FSTL4: variants seen among roughly 807,000 people sequenced by gnomAD.
The protein encoded by FSTL4 is follistatin like 4, also known as follistatin-related protein 4.
Under a neutral mutation model 78.2 loss-of-function variants are expected in FSTL4, and 28 were observed. That is an observed-to-expected ratio of 0.36 (90% CI 0.27 to 0.49). FSTL4 has a LOEUF of 0.49. Among genes scored for constraint, FSTL4 ranks in the 20% least tolerant of loss-of-function variants. The probability of loss-of-function intolerance (pLI) is 0.98; values close to 1 mark genes in which losing one functional copy is unlikely to be tolerated. For synonymous variants in FSTL4, 422 were observed against 440.5 expected, an observed-to-expected ratio of 0.96 and a Z score of 0.53; for missense variants, 922 against 1,084.9, an observed-to-expected ratio of 0.85 and a Z score of 2.11.
chr5:133,591,192 G>T (rs1159942581), intron 2 of FSTL4, among the ~76,000 whole-genome samples: 1 of 152,162 alleles, frequency 6.6e-6, no homozygotes, highest in Admixed American at 6.5e-5. Flanking sequence ...GACATCCTAG[G>T]AATGGATAAG....
At chr5:133,625,511 T>C in the FSTL4 span, among the ~76,000 whole-genome samples, 1 of 151,128 alleles carries the variant, frequency 6.6e-6, no homozygotes, top group Non-Finnish European at 1.5e-5. Context: ...CTTTTTATTT[T>C]TGTCAGACTT....
the FSTL4 span, among the ~76,000 whole-genome samples, chr5:133,659,790 A>C: frequency 1.3e-5 from 2 of 152,066 alleles, no homozygotes; most frequent in Non-Finnish European, 2.9e-5. Context: ...TGCTTAAGCT[A>C]TCAAGAACTG....
chr5:133,378,593 T>C (rs1755496874), intron 4 of FSTL4, among the ~76,000 whole-genome samples: 1 of 152,150 alleles, frequency 6.6e-6, no homozygotes, highest in African/African-American at 2.4e-5. Context: ...GTAACATATA[T>C]AGTTTTATTT....
At chr5:133,347,128 C>T (rs999249302) in intron 4 of FSTL4, among the ~76,000 whole-genome samples, 3 of 152,132 alleles carry the variant, frequency 2.0e-5, no homozygotes, top group African/African-American at 2.4e-5. Context: ...AAATGTCTCA[C>T]GATCCCCGTT....
the FSTL4 span, among the ~76,000 whole-genome samples, chr5:133,651,161 G>C: frequency 5.9e-5 from 9 of 151,980 alleles, no homozygotes; most frequent in African/African-American, 2.2e-4. Context: ...TTTCTACATA[G>C]ATGATCATGT....
At chr5:133,512,173 A>G in intron 3 of FSTL4, among the ~76,000 whole-genome samples, 1 of 152,158 alleles carries the variant, frequency 6.6e-6, no homozygotes, top group East Asian at 1.9e-4. Flanking sequence ...CTGCCTCGCC[A>G]CAGCGTCACT....
At chr5:133,761,816 G>A in the FSTL4 span, among the ~76,000 whole-genome samples, 2 of 152,160 alleles carry the variant, frequency 1.3e-5, no homozygotes, top group Admixed American at 6.5e-5. Flanking sequence ...TCCATCTCCT[G>A]TGCTACTAGT....
chr5:133,454,929 T>G (rs1757455379), intron 3 of FSTL4, among the ~76,000 whole-genome samples: 1 of 152,256 alleles, frequency 6.6e-6, no homozygotes, highest in African/African-American at 2.4e-5. Context: ...GTTTTCTCTG[T>G]TGACAATCTC....
Position 133,374,895 on chromosome 5 carries a change from C to T in FSTL4, c.409+25843G>A, listed in dbSNP as rs139566948. 5.3e-3 allele frequency among the ~76,000 whole-genome samples: 810 copies of T among 152,178 alleles called. 5 individuals are homozygous for T. Among genetic ancestry groups the T allele is most frequent in the Non-Finnish European group, 7.9e-3 (536 of 67,998 alleles). ...TTAAGCCACTTAGACTATGATAATC[C>T]GTTATAGCACCAGACTGACTAAGCA... is the stretch of plus-strand genomic sequence containing the variant. On this transcript the variant is annotated intron_variant, in intron 4 of 15. Coordinates refer to ENST00000265342, the MANE Select transcript of FSTL4 (RefSeq NM_015082.2).
chr5:133,583,254 G>A, intron 2 of FSTL4: 1 of 455,868 alleles, frequency 2.2e-6, no homozygotes. Flanking sequence ...TGCCAATGCT[G>A]GGAATCTTAC....
At chr5:133,528,858 C>G (rs2112906355) in intron 3 of FSTL4, among the ~76,000 whole-genome samples, 1 of 152,350 alleles carries the variant, frequency 6.6e-6, no homozygotes, top group African/African-American at 2.4e-5. Context: ...AAAACCTGTT[C>G]TTGTTTGGAC....
intron 3 of FSTL4, among the ~76,000 whole-genome samples, chr5:133,495,525 T>G (rs1327736990): frequency 1.3e-5 from 2 of 152,232 alleles, no homozygotes; most frequent in Non-Finnish European, 2.9e-5. Context: ...GTAAATATTT[T>G]GGATGGAGTT....
intron 3 of FSTL4, among the ~76,000 whole-genome samples, chr5:133,439,693 T>A (rs1344165741): frequency 6.6e-6 from 1 of 152,140 alleles, no homozygotes; most frequent in Non-Finnish European, 1.5e-5. Flanking sequence ...CTGGTACCAA[T>A]ATCTATGAGG....
chr5:133,329,982 T>C (rs1754305019), intron 4 of FSTL4, among the ~76,000 whole-genome samples: 1 of 152,142 alleles, frequency 6.6e-6, no homozygotes, highest in Admixed American at 6.5e-5. Flanking sequence ...GTAGATTCTG[T>C]TTACTATTTT....
In FSTL4 at chr5:133,312,677, A is replaced by C; in HGVS notation, c.704T>G (p.Leu235Arg). The change falls in exon 6 of 16, where the codon CTC becomes CGC. Residue 235 changes from leucine (L) to arginine (R), a missense_variant. By Grantham distance (102) the Leu-to-Arg change is moderately radical. Coordinates refer to ENST00000265342, the MANE Select transcript of FSTL4 (RefSeq NM_015082.2). The part of the protein sequence containing the change: ...DDYNSDSSLT[L>R]REFYMAFQVV... The stretch of plus-strand genomic sequence containing the variant: ...ACGGAAGGCCATGTAGAACTCGCGG[A>C]GGGTCAGGGAGCTGTCACTGTTGTA... The C allele has an allele frequency of 6.2e-7, 1 of 1,613,892 alleles. No homozygotes were observed. Among genetic ancestry groups the C allele is most frequent in the Non-Finnish European group, 8.5e-7 (1 of 1,179,906 alleles).
At chr5:133,416,301 T>C (rs985253991) in intron 3 of FSTL4, among the ~76,000 whole-genome samples, 1 of 152,246 alleles carries the variant, frequency 6.6e-6, no homozygotes, top group Non-Finnish European at 1.5e-5. Flanking sequence ...TTGGTGGAAC[T>C]GATTTTTAAA....
At chr5:133,727,023 A>G in the FSTL4 span, among the ~76,000 whole-genome samples, 1,424 of 152,124 alleles carry the variant, frequency 9.4e-3, 35 homozygotes, top group African/African-American at 0.033. Context: ...GCATTGGAAA[A>G]CCGGGTGGCA....
At chr5:133,691,240 ATG>A in the FSTL4 span, among the ~76,000 whole-genome samples, 1 of 152,228 alleles carries the variant, frequency 6.6e-6, no homozygotes, top group Admixed American at 6.5e-5. Context: ...CATCCCTAAT[ATG>A]TGTTTCCTAT....
chr5:133,317,639 A>G (rs973661538), intron 4 of FSTL4, among the ~76,000 whole-genome samples: 3 of 152,344 alleles, frequency 2.0e-5, no homozygotes, highest in Admixed American at 6.5e-5. Flanking sequence ...AAGAAGTGTT[A>G]GAGAGCATGA....
Sources: gnomAD v4.1 joint callset for allele counts (sites outside exome capture counted in the v4.1 genomes callset) on GRCh38, gnomAD v4.1.1 for gene constraint, MANE v1.5 for transcripts, NCBI Gene and HGNC (gene_info 2026-07-23, HGNC 2026-07-21) for gene names.